The following TNRC6B variants were observed in gnomAD, a reference collection of about 807,000 sequenced individuals.
TNRC6B encodes trinucleotide repeat-containing gene 6B protein.
Under a neutral mutation model 203.6 loss-of-function variants are expected in TNRC6B, and 52 were observed. That is an observed-to-expected ratio of 0.26 (90% CI 0.20 to 0.32). TNRC6B has a LOEUF of 0.32. Among genes scored for constraint, TNRC6B ranks in the 10% least tolerant of loss-of-function variants. The pLI, the probability that TNRC6B is intolerant of heterozygous loss-of-function variation, is 1.00. For missense variants in TNRC6B, 1,923 were observed against 2,286.2 expected (o/e 0.84, Z 3.24); for synonymous variants, 838 against 845.7 (o/e 0.99, Z 0.16).
chr22:40,302,302 A>G (rs1775010575), intron 15 of TNRC6B, among the ~76,000 whole-genome samples: 1 of 152,194 alleles, frequency 6.6e-6, no homozygotes, highest in Non-Finnish European at 1.5e-5. Context: ...AACATTTAGA[A>G]TTTATCTTCT....
At chr22:40,216,406 G>A (rs1020068264) in intron 1 of TNRC6B, among the ~76,000 whole-genome samples, 4 of 151,888 alleles carry the variant, frequency 2.6e-5, no homozygotes, top group South Asian at 4.2e-4. Context: ...CTAAGTCAGT[G>A]TTTTTTTTCT....
rs1255060470 is a variant in TNRC6B, at chr22:40,301,760, CCTTTTAA to C, written c.4120+430_4120+436del. On this transcript the variant is annotated intron_variant, in intron 15 of 22. Transcript: ENST00000454349. ...AATGGATAAACTTGGATTGTTTCCACCTTTTAACTACAAGTTGAGCATCCCCTAATCT... is the reference window on the plus strand; with the variant it reads ...AATGGATAAACTTGGATTGTTTCCACCTACAAGTTGAGCATCCCCTAATCT... Among the ~76,000 whole-genome samples, 7 of 152,288 alleles carry C rather than the reference CCTTTTAA, an allele frequency of 4.6e-5. No homozygotes were observed. In the South Asian group the frequency reaches 1.0e-3, roughly 23 times the overall value.
At chr22:40,244,821 C>T (rs533780428) in intron 1 of TNRC6B, among the ~76,000 whole-genome samples, 1 of 152,294 alleles carries the variant, frequency 6.6e-6, no homozygotes, top group East Asian at 1.9e-4. Context: ...TTTGAAGTTA[C>T]TGCAGTTGGT....
chr22:40,301,443 G>T, intron 15 of TNRC6B, 110 bp downstream of exon 15: 15 of 1,179,182 alleles, frequency 1.3e-5, no homozygotes, highest in Non-Finnish European at 1.8e-5. Context: ...TACAAGGTAG[G>T]TAAATATTCT....
At chr22:40,054,873 CA>C (rs536397622) in intron 1 of TNRC6B, among the ~76,000 whole-genome samples, 2,006 of 134,130 alleles carry the variant, frequency 0.015, 48 homozygotes, top group African/African-American at 0.049. Flanking sequence ...CCCATCTCTA[CA>C]AAAAAAAAAA....
chr22:40,253,285 T>A (rs2070221475), intron 3 of TNRC6B, among the ~76,000 whole-genome samples: 1 of 144,074 alleles, frequency 6.9e-6, no homozygotes, highest in South Asian at 2.3e-4. Flanking sequence ...AGAGACGGGG[T>A]TTCACCATGT....
At chr22:40,085,605 A>C (rs538819730) in intron 1 of TNRC6B, among the ~76,000 whole-genome samples, 1 of 152,178 alleles carries the variant, frequency 6.6e-6, no homozygotes, top group African/African-American at 2.4e-5. Context: ...GTAAACTTGT[A>C]GTTATATCCA....
chr22:40,062,743 G>A (rs1250389391), intron 1 of TNRC6B, among the ~76,000 whole-genome samples: 1 of 151,936 alleles, frequency 6.6e-6, no homozygotes, highest in Non-Finnish European at 1.5e-5. Flanking sequence ...GCACTTATTG[G>A]CTATTTGTAT....
At chr22:40,240,746 A>G (rs2070016926) in intron 1 of TNRC6B, among the ~76,000 whole-genome samples, 1 of 152,218 alleles carries the variant, frequency 6.6e-6, no homozygotes. Context: ...CTTCATACTT[A>G]GAAGCAATTG....
intron 1 of TNRC6B, among the ~76,000 whole-genome samples, chr22:40,108,134 G>A (rs2146310654): frequency 6.6e-6 from 1 of 152,252 alleles, no homozygotes; most frequent in African/African-American, 2.4e-5. Context: ...ACAGCCCTGG[G>A]AAGCCATGGC....
At chr22:40,271,991 TA>T (rs63352162) in intron 6 of TNRC6B, among the ~76,000 whole-genome samples, 1 of 129,738 alleles carries the variant, frequency 7.7e-6, no homozygotes, top group East Asian at 2.5e-4. Context: ...AGTTTAGCTT[TA>T]TCTCTCTAAA....
chr22:40,302,746 A>C (rs1333593892), intron 15 of TNRC6B, among the ~76,000 whole-genome samples: 1 of 151,976 alleles, frequency 6.6e-6, no homozygotes, highest in Non-Finnish European at 1.5e-5. Context: ...TGATCCTCCT[A>C]CTGCACGTGC....
At position 40,074,069 on chromosome 22, in the gene TNRC6B, CAA is replaced by C. The variant is rs34190410; in HGVS notation, c.-121+29086_-121+29087del. On this transcript the variant is annotated intron_variant, in intron 1 of 23. Transcript: ENST00000301923. The stretch of plus-strand genomic sequence containing the variant: ...AGGCAATGAGAGTGAAACTCCATCT[CAA>C]AAAAAAAAAAAAAAGCCAGATGTGA... Among the ~76,000 whole-genome samples, 79 of 95,480 alleles carry C rather than the reference CAA, an allele frequency of 8.3e-4. 2 individuals carry two copies. The highest frequency in any genetic ancestry group is 2.0e-3 in the Admixed American group (16 of 8,080). 62.6% of individuals were successfully genotyped at this position (95,480 alleles called of 152,430 possible).
rs186606836 is a variant in TNRC6B, at chr22:40,220,974, C to T, written c.6-25041C>T. Among the ~76,000 whole-genome samples, 7 of 152,306 alleles carry T rather than the reference C, an allele frequency of 4.6e-5. No individual in the cohort carries two copies. In the East Asian group the frequency reaches 1.2e-3, roughly 25 times the overall value. ...CAACTGGACATTTTCACCCAAAGCC[C>T]CGCCTCACATGCCTTTAGCCAGAAG... On this transcript the variant is annotated intron_variant, in intron 1 of 22. Coordinates refer to ENST00000454349, the MANE Select transcript of TNRC6B (RefSeq NM_001162501.2).
intron 3 of TNRC6B, among the ~76,000 whole-genome samples, chr22:40,139,693 C>CTA (rs2068629375): frequency 6.6e-6 from 1 of 152,128 alleles, no homozygotes; most frequent in Non-Finnish European, 1.5e-5. Context: ...CTTTTGACTG[C>CTA]TATGAACATT....
chr22:40,096,171 A>G (rs2068184810), intron 1 of TNRC6B, among the ~76,000 whole-genome samples: 1 of 152,152 alleles, frequency 6.6e-6, no homozygotes. Context: ...ATCATGGCCA[A>G]AACTTTATGA....
chr22:40,167,749 T>C (rs973343562), intron 4 of TNRC6B, among the ~76,000 whole-genome samples: 3 of 142,024 alleles, frequency 2.1e-5, no homozygotes, highest in Non-Finnish European at 4.5e-5. Flanking sequence ...TGGTGGCACA[T>C]GCCTGTAGTC....
intron 2 of TNRC6B, among the ~76,000 whole-genome samples, chr22:40,119,664 A>G (rs73428270): frequency 0.057 from 8,684 of 152,302 alleles, 792 homozygotes; most frequent in African/African-American, 0.19. Flanking sequence ...ATGAGGGGAC[A>G]TGACTTGTCA....
In TNRC6B at chr22:40,265,914, T is replaced by G. The variant is rs1275101027; in HGVS notation, c.1684T>G (p.Ser562Ala). 2 of 1,614,000 alleles carry G rather than the reference T, an allele frequency of 1.2e-6. No individual in the cohort carries two copies. Among genetic ancestry groups the G allele is most frequent in the East Asian group, 4.5e-5 (2 of 44,884 alleles). Reference sequence around the variant, plus strand: ...CCAGGCTCCCTGTTGGGGAAGATCTTCCAGCTCCACAGGAAGTGAAGTTGG... The same window carrying G: ...CCAGGCTCCCTGTTGGGGAAGATCTGCCAGCTCCACAGGAAGTGAAGTTGG... ...NAQAPCWGRS[S>A]SSTGSEVGGQ... The change falls in exon 5 of 23, where the codon TCC (serine) becomes GCC (alanine). Residue 562 changes from serine (S) to alanine (A), a missense_variant. Ser to Ala is a moderately conservative substitution (Grantham distance 99). Around this residue, in one of 8 missense-constraint regions of TNRC6B, gnomAD observed 614 missense variants for 587.7 expected, o/e 1.04. Transcript: ENST00000454349.
Sources: gnomAD v4.1 joint callset for allele counts (sites outside exome capture counted in the v4.1 genomes callset) on GRCh38, gnomAD v4.1.1 for gene constraint, gnomAD v4.1.1 regional missense constraint, MANE v1.5 for transcripts, NCBI Gene and HGNC (gene_info 2026-07-23, HGNC 2026-07-21) for gene names.